ANKRD46: variants seen among roughly 807,000 people sequenced by gnomAD.
The protein encoded by ANKRD46 is ankyrin repeat domain 46, also known as ankyrin repeat domain-containing protein 46.
Under a neutral mutation model 19.8 loss-of-function variants are expected in ANKRD46, and 13 were observed. That is an observed-to-expected ratio of 0.66 (90% CI 0.43 to 1.04). The LOEUF is 1.04. Ranked by LOEUF, ANKRD46 falls within the 50% of genes least tolerant of loss-of-function variation. The probability of loss-of-function intolerance (pLI) is 0.00; values close to 1 mark genes in which losing one functional copy is unlikely to be tolerated. For synonymous variants in ANKRD46, 91 were observed against 106.9 expected, an observed-to-expected ratio of 0.85 and a Z score of 0.92; for missense variants, 185 against 274.8, an observed-to-expected ratio of 0.67 and a Z score of 2.31.
downstream of ANKRD46, among the ~76,000 whole-genome samples, chr8:100,517,022 C>T (rs1811645609): frequency 6.6e-6 from 1 of 152,176 alleles, no homozygotes; most frequent in Non-Finnish European, 1.5e-5. Context: ...CTTGGGCATG[C>T]TATTCAACCC....
At position 100,545,928 on chromosome 8, in the gene ANKRD46, TGA is replaced by T. The variant is rs896988482; in HGVS notation, c.-130-12619_-130-12618del. Among the ~76,000 whole-genome samples the T allele has an allele frequency of 1.3e-5, 2 of 152,156 alleles. No individual in the cohort carries two copies. The highest frequency in any genetic ancestry group is 6.5e-5 in the Admixed American group (1 of 15,280). On this transcript the variant is annotated intron_variant, in intron 1 of 4. Coordinates refer to ENST00000335659, the MANE Select transcript of ANKRD46 (RefSeq NM_001270377.2). This position sits in a 1 kb window ranked among gnomAD's most constrained non-coding sequence, Gnocchi z 4.7. ...CTAGAGATCTGCGGAACTTTGAACT[TGA>T]GAGAGATGATTTAGGGTATCTGGCA...
intron 2 of ANKRD46, 142 bp downstream of exon 2, chr8:100,533,067 G>C (rs964297899): frequency 5.9e-5 from 9 of 152,172 alleles, no homozygotes; most frequent in Non-Finnish European, 1.3e-4. Context: ...CTGTGTCCCT[G>C]AGCAACTACT....
At chr8:100,554,229 A>C (rs552940415) in intron 1 of ANKRD46, among the ~76,000 whole-genome samples, 3 of 152,330 alleles carry the variant, frequency 2.0e-5, no homozygotes, top group African/African-American at 7.2e-5. Flanking sequence ...TCAGACGTTA[A>C]ATTATTTAAG....
In ANKRD46 at chr8:100,510,216, C is replaced by T. The variant is rs1811528792; in HGVS notation, c.*361G>A. 2 of 221,028 alleles carry T rather than the reference C, an allele frequency of 9.0e-6. No individual in the cohort carries two copies. The highest frequency in any genetic ancestry group is 1.8e-5 in the Non-Finnish European group (2 of 113,026). The allele number at this position is 221,028 out of a possible 1,614,324, so 13.7% of individuals were successfully genotyped here. A position where few individuals can be genotyped will look rare whatever the true frequency, so the allele number is the denominator to read the frequency against. Reference sequence around the variant, plus strand: ...AGACAAACAAAACAGCATGACATCACCCGCCTGGGAGTTGTCATTTCAGAC... The same window carrying T: ...AGACAAACAAAACAGCATGACATCATCCGCCTGGGAGTTGTCATTTCAGAC... On this transcript the variant is annotated 3_prime_UTR_variant, in exon 6 of 6. Coordinates refer to the ANKRD46 transcript ENST00000520552. This position sits in a 1 kb window ranked among gnomAD's most constrained non-coding sequence, Gnocchi z 4.9.
rs916605706 is a variant in ANKRD46, at chr8:100,524,763, T to C, written c.471-1992A>G. Among the ~76,000 whole-genome samples, 50 of 152,314 alleles carry C rather than the reference T, an allele frequency of 3.3e-4. No individual in the cohort carries two copies. The highest frequency in any genetic ancestry group is 1.2e-3 in the African/African-American group (48 of 41,566). On this transcript the variant is annotated intron_variant, in intron 4 of 4. Transcript: ENST00000335659. This position sits in a 1 kb window ranked among gnomAD's most constrained non-coding sequence, Gnocchi z 4.3. ...TGTTAGGTATAAAATGAAAATTCCA[T>C]GAGCATTCTCATTGTTCTTCAGAGC...
At chr8:100,547,615 T>C (rs987965853) in intron 1 of ANKRD46, among the ~76,000 whole-genome samples, 1 of 152,138 alleles carries the variant, frequency 6.6e-6, no homozygotes, top group Non-Finnish European at 1.5e-5. Context: ...GAGTAAGACC[T>C]TGTCTCAAAA....
chr8:100,545,007 T>A lies in ANKRD46; in HGVS notation c.-130-11696A>T, dbSNP rs532964547. Among the ~76,000 whole-genome samples the A allele has an allele frequency of 6.6e-6, 1 of 152,162 alleles. No homozygotes were observed. Among genetic ancestry groups the A allele is most frequent in the African/African-American group, 2.4e-5 (1 of 41,436 alleles). On this transcript the variant is annotated intron_variant, in intron 1 of 4. Coordinates refer to ENST00000335659, the MANE Select transcript of ANKRD46 (RefSeq NM_001270377.2). This position sits in a 1 kb window ranked among gnomAD's most constrained non-coding sequence, Gnocchi z 4.7. ...ACAGTCCCAAATGGATATTTTGCCA[T>A]GGCCTTAATATCATATCTAAAACCA...
rs1443221708 is a variant in ANKRD46, at chr8:100,536,758, A to C, written c.-130-3447T>G. ...ACCAGGGCCCTGGTTCCCAAGGAAC[A>C]GTGTCCATGAGGAACAGTGTCCACT... On this transcript the variant is annotated intron_variant, in intron 1 of 4. Coordinates refer to ENST00000335659, the MANE Select transcript of ANKRD46 (RefSeq NM_001270377.2). The surrounding 1 kb of genome is among the most constrained non-coding windows in gnomAD (Gnocchi z 4.9). Among the ~76,000 whole-genome samples, 1 of 152,216 alleles carries C rather than the reference A, an allele frequency of 6.6e-6. No individual in the cohort carries two copies. Among genetic ancestry groups the C allele is most frequent in the African/African-American group, 2.4e-5 (1 of 41,454 alleles).
rs984961941 is a variant in ANKRD46 at position 100,524,672 on chromosome 8, G to T, written c.471-1901C>A. Among the ~76,000 whole-genome samples the T allele has an allele frequency of 3.9e-5, 6 of 152,128 alleles. No homozygotes were observed. The highest frequency in any genetic ancestry group is 1.4e-4 in the African/African-American group (6 of 41,432). On this transcript the variant is annotated intron_variant, in intron 4 of 4. Transcript: ENST00000335659. The surrounding 1 kb of genome is among the most constrained non-coding windows in gnomAD (Gnocchi z 4.3). ...AGTAAAACCACAAATAGATAACACA[G>T]TTCTGCAGAGGCTTAGTTTGACCTA... is the stretch of plus-strand genomic sequence containing the variant.
chr8:100,521,182 A>G lies in ANKRD46; in HGVS notation c.*1373T>C. The stretch of plus-strand genomic sequence containing the variant: ...AAGCCTCAATACTAGATACATAGAT[A>G]CAAGAGAAAATACCAAGAAGCAAAA... On this transcript the variant is annotated 3_prime_UTR_variant, in exon 5 of 5. Coordinates refer to ENST00000335659, the MANE Select transcript of ANKRD46 (RefSeq NM_001270377.2). 1 of 985,230 alleles carries G rather than the reference A, an allele frequency of 1.0e-6. No individual in the cohort carries two copies. Among genetic ancestry groups the G allele is most frequent in the Non-Finnish European group, 1.2e-6 (1 of 829,910 alleles). The allele number at this position is 985,230 out of a possible 1,614,324, so 61.0% of individuals were successfully genotyped here.
At chr8:100,531,411 CT>C (rs1811959965) in intron 2 of ANKRD46, among the ~76,000 whole-genome samples, 1 of 152,112 alleles carries the variant, frequency 6.6e-6, no homozygotes, top group Non-Finnish European at 1.5e-5. Context: ...GCCCCTATTC[CT>C]TTCAACTTGG....
chr8:100,547,996 A>G (rs1812307479), intron 1 of ANKRD46, among the ~76,000 whole-genome samples: 1 of 152,102 alleles, frequency 6.6e-6, no homozygotes, highest in Non-Finnish European at 1.5e-5. Context: ...TGCTTTGTGA[A>G]TATCACTTCC....
At position 100,529,690 on chromosome 8, in the gene ANKRD46, G is replaced by T. The variant is rs201635909; in HGVS notation, c.144C>A (p.Gly48=). Residue 48 remains glycine (G), a synonymous_variant, in exon 3 of 5, where the codon GGC becomes GGA. Transcript: ENST00000335659. The surrounding 1 kb of genome is among the most constrained non-coding windows in gnomAD (Gnocchi z 5.8). ...PNIRDSRGRT[G]LHLAAARGNV... is the part of the protein sequence containing the mutation. Reference sequence around the variant, plus strand: ...TCCCTCGAGCTGCTGCAAGGTGAAGGCCTGTTCTGCCCCTGCTGTCACGAA... The same window carrying T: ...TCCCTCGAGCTGCTGCAAGGTGAAGTCCTGTTCTGCCCCTGCTGTCACGAA... 9.3e-6 allele frequency: 15 copies of T among 1,614,130 alleles called. No individual in the cohort carries two copies. The highest frequency in any genetic ancestry group is 1.2e-5 in the Non-Finnish European group (14 of 1,180,054).
At chr8:100,553,709 A>T (rs1812440163) in intron 1 of ANKRD46, among the ~76,000 whole-genome samples, 1 of 152,210 alleles carries the variant, frequency 6.6e-6, no homozygotes, top group Non-Finnish European at 1.5e-5. Flanking sequence ...AGGTTGCACC[A>T]CTGCACTCCA....
rs1045559486 is a variant in ANKRD46 at position 100,539,195 on chromosome 8, AT to A, written c.-130-5885del. Among the ~76,000 whole-genome samples the A allele has an allele frequency of 9.9e-5, 15 of 152,236 alleles. 1 individual carries two copies. The South Asian group carries it at 2.1e-3, about 21-fold the overall frequency. On this transcript the variant is annotated intron_variant, in intron 1 of 4. Coordinates refer to ENST00000335659, the MANE Select transcript of ANKRD46 (RefSeq NM_001270377.2). ...ATGGACTTAAGTTCCTTATTTCTCT[AT>A]TTTTTGGAAAATTGTATTAGAAGGG... is the stretch of plus-strand genomic sequence containing the variant.
chr8:100,515,874 GT>G (rs371133127), downstream of ANKRD46, among the ~76,000 whole-genome samples: 781 of 139,692 alleles, frequency 5.6e-3, 2 homozygotes, highest in Middle Eastern at 0.011. Flanking sequence ...ACTTGTTTTT[GT>G]TTTTTTTTTT....
Position 100,521,508 on chromosome 8 carries a change from G to A in ANKRD46, c.*1047C>T. 1 of 985,354 alleles carries A rather than the reference G, an allele frequency of 1.0e-6. No homozygotes were observed. 61.0% of individuals were successfully genotyped at this position (985,354 alleles called of 1,614,324 possible). On this transcript the variant is annotated 3_prime_UTR_variant, in exon 5 of 5. Transcript: ENST00000335659. ...TACATAATATTACCATTCATAAAGA[G>A]TTTATGACACCCAGTACGATACTGT...
intron 1 of ANKRD46, among the ~76,000 whole-genome samples, chr8:100,553,082 G>A (rs898811519): frequency 6.6e-6 from 1 of 152,248 alleles, no homozygotes; most frequent in Admixed American, 6.5e-5. Flanking sequence ...GAAATCTCAT[G>A]TTCAGCACAG....
At chr8:100,547,771 A>G (rs959326514) in intron 1 of ANKRD46, among the ~76,000 whole-genome samples, 8 of 152,230 alleles carry the variant, frequency 5.3e-5, no homozygotes, top group African/African-American at 1.9e-4. Flanking sequence ...AGTGAATCAG[A>G]CACAAAGGCC....
Sources: allele counts gnomAD v4.1 joint callset (sites outside exome capture counted in the v4.1 genomes callset), GRCh38; gene constraint gnomAD v4.1.1; non-coding constraint Gnocchi (gnomAD v3.1); transcripts MANE v1.5; gene names NCBI Gene and HGNC (gene_info 2026-07-23, HGNC 2026-07-21).